The following MTREX variants were observed in gnomAD, a reference collection of about 807,000 sequenced individuals.
MTREX encodes the protein Mtr4 exosome RNA helicase.
In MTREX, 76 loss-of-function variants were observed where a neutral mutation model predicts 135.4. The ratio of observed to expected loss-of-function variants is 0.56; its 90% CI spans 0.47 to 0.68. The LOEUF is 0.68. Among genes scored for constraint, MTREX ranks in the 30% least tolerant of loss-of-function variants. MTREX has a pLI of 0.00. For synonymous variants in MTREX, 404 were observed against 401.6 expected, an observed-to-expected ratio of 1.01 and a Z score of -0.07; for missense variants, 920 against 1,262.1, an observed-to-expected ratio of 0.73 and a Z score of 4.11.
chr5:55,365,071 G>A (rs536269267), intron 15 of MTREX, among the ~76,000 whole-genome samples: 10 of 152,306 alleles, frequency 6.6e-5, no homozygotes, highest in African/African-American at 2.4e-4. Context: ...AGTTTCAGGT[G>A]ACTGAGAATT....
At chr5:55,308,555 G>A (rs1749023943) in intron 1 of MTREX, among the ~76,000 whole-genome samples, 1 of 152,114 alleles carries the variant, frequency 6.6e-6, no homozygotes, top group Non-Finnish European at 1.5e-5. Context: ...ACATGAGAAG[G>A]GAGAGACATT....
At chr5:55,335,952 G>T (rs1278850473) in intron 5 of MTREX, among the ~76,000 whole-genome samples, 1 of 152,096 alleles carries the variant, frequency 6.6e-6, no homozygotes, top group Non-Finnish European at 1.5e-5. Flanking sequence ...AATTTTCAGT[G>T]TATAGGTCTT....
At chr5:55,346,237 A>G (rs1281808648) in intron 10 of MTREX, among the ~76,000 whole-genome samples, 3 of 152,152 alleles carry the variant, frequency 2.0e-5, no homozygotes, top group African/African-American at 7.2e-5. Flanking sequence ...CTTTTGAGAA[A>G]CTGCCAAAGT....
intron 23 of MTREX, among the ~76,000 whole-genome samples, chr5:55,411,198 A>G (rs1378479760): frequency 2.0e-5 from 3 of 152,240 alleles, no homozygotes; most frequent in Admixed American, 6.5e-5. Context: ...GGAACACATA[A>G]GAACACTAAT....
At chr5:55,392,436 G>A (rs1314704054) in intron 19 of MTREX, among the ~76,000 whole-genome samples, 2 of 151,554 alleles carry the variant, frequency 1.3e-5, no homozygotes, top group African/African-American at 2.4e-5. Flanking sequence ...TCAGCTATTC[G>A]AGAGGCTGAG....
intron 15 of MTREX, among the ~76,000 whole-genome samples, chr5:55,363,696 A>G (rs1750051131): frequency 6.6e-6 from 1 of 152,184 alleles, no homozygotes; most frequent in Non-Finnish European, 1.5e-5. Context: ...ATAAGTTCCA[A>G]TATGACTTGC....
rs542162999 is a variant in MTREX at position 55,308,810 on chromosome 5, A to G, written c.134+663A>G. Among the ~76,000 whole-genome samples the G allele has an allele frequency of 3.0e-3, 463 of 152,330 alleles. 1 individual carries two copies. The highest frequency in any genetic ancestry group is 0.011 in the African/African-American group (449 of 41,584). ...AAGTGTACAGATCTGTTTATAGTAG[A>G]ACAAGGAAAAGCTATTACTTGTATT... On this transcript the variant is annotated intron_variant, in intron 1 of 26. Coordinates refer to ENST00000230640, the MANE Select transcript of MTREX (RefSeq NM_015360.5).
intron 16 of MTREX, among the ~76,000 whole-genome samples, chr5:55,374,603 T>A (rs943327141): frequency 6.6e-6 from 1 of 152,170 alleles, no homozygotes; most frequent in Admixed American, 6.5e-5. Context: ...AAAACACTTG[T>A]GTTTCTTAAA....
At chr5:55,332,857 A>G (rs1345880969) in intron 5 of MTREX, among the ~76,000 whole-genome samples, 1 of 152,134 alleles carries the variant, frequency 6.6e-6, no homozygotes, top group Non-Finnish European at 1.5e-5. Flanking sequence ...GAATCCTGGA[A>G]TATTTTTTTC....
At chr5:55,330,329 C>T (rs1274939468) in intron 5 of MTREX, among the ~76,000 whole-genome samples, 1 of 151,964 alleles carries the variant, frequency 6.6e-6, no homozygotes, top group Admixed American at 6.6e-5. Context: ...TCCTGCCTTG[C>T]TCTCCCAAAG....
chr5:55,311,034 G>A (rs1749103976), intron 1 of MTREX, among the ~76,000 whole-genome samples: 1 of 152,106 alleles, frequency 6.6e-6, no homozygotes, highest in Non-Finnish European at 1.5e-5. Flanking sequence ...CTCCCACCTT[G>A]GCCTCTGAAA....
intron 16 of MTREX, among the ~76,000 whole-genome samples, chr5:55,377,547 C>T (rs1456824141): frequency 6.6e-6 from 1 of 152,038 alleles, no homozygotes; most frequent in Non-Finnish European, 1.5e-5. Context: ...ATGGCCTCAC[C>T]CTAAGAGATA....
At chr5:55,381,873 A>G (rs1258647717) in intron 18 of MTREX, among the ~76,000 whole-genome samples, 2 of 151,964 alleles carry the variant, frequency 1.3e-5, no homozygotes, top group Admixed American at 6.6e-5. Flanking sequence ...TTGTTGTTGT[A>G]TTATCTATTT....
intron 11 of MTREX, among the ~76,000 whole-genome samples, chr5:55,348,747 C>T (rs1032487130): frequency 3.3e-5 from 5 of 151,976 alleles, no homozygotes; most frequent in South Asian, 2.1e-4. Flanking sequence ...CTACAAGTGC[C>T]GAATAAACTT....
At chr5:55,407,459 A>G (rs1750825146) in intron 22 of MTREX, among the ~76,000 whole-genome samples, 1 of 152,208 alleles carries the variant, frequency 6.6e-6, no homozygotes, top group South Asian at 2.1e-4. Flanking sequence ...TTTCCTTTAG[A>G]TATCTACAAC....
At chr5:55,382,229 T>G (rs1228055195) in intron 18 of MTREX, among the ~76,000 whole-genome samples, 1 of 152,158 alleles carries the variant, frequency 6.6e-6, no homozygotes, top group Admixed American at 6.5e-5. Context: ...TTGTTTTCTC[T>G]TCTTTTACTG....
At chr5:55,308,206 C>T (rs1749000772) in intron 1 of MTREX, 59 bp downstream of exon 1, 3 of 1,522,084 alleles carry the variant, frequency 2.0e-6, no homozygotes, top group South Asian at 2.6e-5. Context: ...AGGAAGAAAA[C>T]ACTACTCTCT....
intron 3 of MTREX, among the ~76,000 whole-genome samples, chr5:55,326,526 G>A (rs1006981707): frequency 6.6e-6 from 1 of 152,082 alleles, no homozygotes; most frequent in Non-Finnish European, 1.5e-5. Context: ...TTCTCAGCAG[G>A]GTGACTTTTC....
chr5:55,332,877 T>C (rs1042766128), intron 5 of MTREX, among the ~76,000 whole-genome samples: 2 of 152,174 alleles, frequency 1.3e-5, no homozygotes, highest in African/African-American at 4.8e-5. Context: ...CCTTAACAGG[T>C]TATCTTATCT....
Sources: allele counts gnomAD v4.1 joint callset (sites outside exome capture counted in the v4.1 genomes callset), GRCh38; gene constraint gnomAD v4.1.1; transcripts MANE v1.5; gene names NCBI Gene and HGNC (gene_info 2026-07-23, HGNC 2026-07-21).